ABL2: variants seen among roughly 807,000 people sequenced by gnomAD.
ABL2 encodes ABL proto-oncogene 2, non-receptor tyrosine kinase.
A neutral mutation model predicts 107.7 loss-of-function variants in ABL2; 49 were observed. The observed-to-expected ratio is 0.45, with a 90% CI of 0.36 to 0.58. The LOEUF is 0.58. Ranked by LOEUF, ABL2 falls within the 20% of genes least tolerant of loss-of-function variation. ABL2 has a pLI of 0.00. For missense variants in ABL2, 1,245 were observed against 1,457.0 expected, an observed-to-expected ratio of 0.85 and a Z score of 2.37; for synonymous variants, 549 against 548.6, an observed-to-expected ratio of 1.00 and a Z score of -0.01.
intron 10 of ABL2, 57 bp from the exon 11 acceptor site, chr1:179,110,512 G>T: frequency 6.4e-7 from 1 of 1,552,044 alleles, no homozygotes; most frequent in Admixed American, 2.1e-5. Context: ...GAAAAAGGGA[G>T]TTCTTTTCAG....
chr1:179,121,548 G>T, intron 5 of ABL2, 47 bp downstream of exon 5: 1 of 1,584,572 alleles, frequency 6.3e-7, no homozygotes, highest in African/African-American at 1.3e-5. Context: ...AAGTGATTGA[G>T]CACAAAAGAA....
At chr1:179,134,505 T>C (rs1010624371) in intron 1 of ABL2, among the ~76,000 whole-genome samples, 16 of 152,166 alleles carry the variant, frequency 1.1e-4, no homozygotes, top group Non-Finnish European at 2.9e-5. Context: ...ATTTATAAAA[T>C]CAAAAGTTTC....
intron 1 of ABL2, among the ~76,000 whole-genome samples, chr1:179,210,588 C>T (rs914064045): frequency 6.6e-6 from 1 of 151,240 alleles, no homozygotes; most frequent in Non-Finnish European, 1.5e-5. Flanking sequence ...GGCGTGGTGG[C>T]TCACGCCTAT....
At chr1:179,184,392 C>T (rs192466223) in intron 1 of ABL2, 12 of 903,516 alleles carry the variant, frequency 1.3e-5, no homozygotes, top group Admixed American at 1.2e-4. Flanking sequence ...AAGTCAAACA[C>T]AGAATAAAGC....
intron 1 of ABL2, among the ~76,000 whole-genome samples, chr1:179,160,625 T>C (rs1659003288): frequency 6.6e-6 from 1 of 152,062 alleles, no homozygotes; most frequent in Non-Finnish European, 1.5e-5. Context: ...TAAAAATTCA[T>C]GCTTTGAAAT....
intron 1 of ABL2, chr1:179,143,133 T>C (rs1189850341): frequency 6.6e-7 from 1 of 1,520,928 alleles, no homozygotes; most frequent in Non-Finnish European, 8.9e-7. Flanking sequence ...ACCACATGCA[T>C]GTGACATTTA....
In ABL2 at chr1:179,192,091, C is replaced by T. The variant is rs373902464; in HGVS notation, c.157+37150G>A. Among the ~76,000 whole-genome samples the T allele has an allele frequency of 1.8e-4, 28 of 152,226 alleles. No individual in the cohort carries two copies. The South Asian group carries it at 5.4e-3, about 29-fold the overall frequency. The stretch of plus-strand genomic sequence containing the variant: ...GTCAAAATATAACAAAATATTTGAA[C>T]CAATCATATTTCACTCCTTGGTTAG... On this transcript the variant is annotated intron_variant, in intron 1 of 11. Transcript: ENST00000502732.
At chr1:179,125,193 G>A (rs1164907781) in intron 4 of ABL2, among the ~76,000 whole-genome samples, 1 of 152,142 alleles carries the variant, frequency 6.6e-6, no homozygotes, top group African/African-American at 2.4e-5. Context: ...GACAATACAT[G>A]AACAAATGGG....
chr1:179,166,069 TTACAGGCATGAGC>T (rs1659360383), intron 1 of ABL2, among the ~76,000 whole-genome samples: 1 of 152,114 alleles, frequency 6.6e-6, no homozygotes, highest in South Asian at 2.1e-4. Flanking sequence ...AGTGCTGGGA[TTACAGGCATGAGC>T]CACCACACCT....
At position 179,108,743 on chromosome 1, in the gene ABL2, C is replaced by G. The variant is rs781723942; in HGVS notation, c.2524G>C (p.Ala842Pro). ...MLPKKSEESAAPSRERPKAKL... is the reference protein window; with the variant it reads ...MLPKKSEESAPPSRERPKAKL... Reference sequence around the variant, plus strand: ...GCTTTTGGTCTCTCCCTGCTTGGAGCAGCACTTTCCTCTGATTTTTTTGGA... The same window carrying G: ...GCTTTTGGTCTCTCCCTGCTTGGAGGAGCACTTTCCTCTGATTTTTTTGGA... The change falls in exon 12 of 12, where the codon GCT becomes CCT. Residue 842 changes from alanine (A) to proline (P), a missense_variant. Physicochemically the swap from Ala to Pro is conservative, Grantham distance 27. Transcript: ENST00000502732. The G allele has an allele frequency of 1.9e-6, 3 of 1,614,216 alleles. No homozygotes were observed. The East Asian group carries it at 6.7e-5, about 36-fold the overall frequency.
chr1:179,132,060 T>C (rs1201966635), intron 2 of ABL2, among the ~76,000 whole-genome samples: 1 of 152,218 alleles, frequency 6.6e-6, no homozygotes, highest in Non-Finnish European at 1.5e-5. Flanking sequence ...AAAAATATCT[T>C]TTTTTGGCCA....
intron 1 of ABL2, among the ~76,000 whole-genome samples, chr1:179,149,827 T>C (rs146456738): frequency 1.5e-4 from 23 of 152,358 alleles, no homozygotes; most frequent in African/African-American, 4.8e-4. Context: ...TCATTGATAA[T>C]GCACTTGGTC....
intron 1 of ABL2, among the ~76,000 whole-genome samples, chr1:179,191,671 A>G (rs569251150): frequency 5.3e-5 from 8 of 152,050 alleles, no homozygotes; most frequent in African/African-American, 1.9e-4. Flanking sequence ...ATATCCACCC[A>G]CTTCGGCCTC....
chr1:179,200,922 CAT>C (rs1333420793), intron 1 of ABL2, among the ~76,000 whole-genome samples: 3 of 152,190 alleles, frequency 2.0e-5, no homozygotes, highest in Admixed American at 6.5e-5. Flanking sequence ...ATTAAAACAA[CAT>C]GTGTAAAATG....
intron 1 of ABL2, among the ~76,000 whole-genome samples, chr1:179,197,072 C>T (rs1375421236): frequency 6.6e-6 from 1 of 151,824 alleles, no homozygotes; most frequent in Non-Finnish European, 1.5e-5. Context: ...ATAGAATGTC[C>T]AACATATCTA....
At position 179,131,373 on chromosome 1, in the gene ABL2, T is replaced by C; in HGVS notation, c.329A>G (p.Asn110Ser). ...AAAATCATAAAGTGCAACGAAGAGA[T>C]TAGGGTCACTCTCAGTGGCTCCGAG... Reference protein sequence around the residue: ...NLLGATESDPNLFVALYDFVA... With the variant: ...NLLGATESDPSLFVALYDFVA... Residue 110 changes from asparagine (N) to serine (S), a missense_variant, in exon 3 of 12, where the codon AAT (asparagine) becomes AGT (serine). Around this residue, in one of 3 missense-constraint regions of ABL2, gnomAD observed 320 missense variants for 547.0 expected, o/e 0.59. Coordinates refer to ENST00000502732, the MANE Select transcript of ABL2 (RefSeq NM_007314.4). 6.2e-7 allele frequency: 1 copy of C among 1,614,070 alleles called. No individual in the cohort carries two copies. The highest frequency in any genetic ancestry group is 8.5e-7 in the Non-Finnish European group (1 of 1,179,990).
At chr1:179,214,814 G>C (rs1017886274) in intron 1 of ABL2, among the ~76,000 whole-genome samples, 2 of 151,958 alleles carry the variant, frequency 1.3e-5, no homozygotes, top group African/African-American at 4.8e-5. Context: ...AAAAGGATGA[G>C]AAATCTACAA....
chr1:179,112,201 G>T, intron 10 of ABL2, 108 bp downstream of exon 10: 1 of 909,094 alleles, frequency 1.1e-6, no homozygotes, highest in Non-Finnish European at 1.7e-6. Flanking sequence ...TTGAAACAGA[G>T]TCTCAAACTC....
At chr1:179,110,947 A>G (rs1654003396) in intron 10 of ABL2, 2 of 1,371,124 alleles carry the variant, frequency 1.5e-6, no homozygotes, top group Admixed American at 4.2e-5. Flanking sequence ...GTTACTCTGC[A>G]TGCTTGCTAA....
Sources: allele counts gnomAD v4.1 joint callset (sites outside exome capture counted in the v4.1 genomes callset), GRCh38; gene constraint gnomAD v4.1.1; regional missense constraint gnomAD v4.1.1; transcripts MANE v1.5; gene names NCBI Gene and HGNC (gene_info 2026-07-23, HGNC 2026-07-21).